Variants in FBXO42 observed in about 807,000 individuals in gnomAD.
FBXO42 encodes F-box only protein 42.
FBXO42 carries 12 observed loss-of-function variants against 71.7 expected under a neutral mutation model. That is an observed-to-expected ratio of 0.17 (90% CI 0.11 to 0.27). FBXO42 has a LOEUF of 0.27. FBXO42 is among the 10% of genes least tolerant of loss of function. The probability of loss-of-function intolerance (pLI) is 1.00; values close to 1 mark genes in which losing one functional copy is unlikely to be tolerated. For missense variants in FBXO42, 707 were observed against 911.9 expected, an observed-to-expected ratio of 0.78 and a Z score of 2.89; for synonymous variants, 325 against 327.5, an observed-to-expected ratio of 0.99 and a Z score of 0.08.
chr1:16,269,254 A>C (rs773411747), intron 4 of FBXO42, among the ~76,000 whole-genome samples: 25 of 144,628 alleles, frequency 1.7e-4, no homozygotes, highest in Non-Finnish European at 1.5e-4. Flanking sequence ...TACCCGCCTA[A>C]TTTTCTATAT....
At chr1:16,262,067 A>T (rs2100450641) in intron 4 of FBXO42, among the ~76,000 whole-genome samples, 1 of 152,296 alleles carries the variant, frequency 6.6e-6, no homozygotes, top group South Asian at 2.1e-4. Context: ...TGGCATATTT[A>T]TTGCAAATTG....
At chr1:16,339,112 C>T (rs1003294845) in intron 1 of FBXO42, among the ~76,000 whole-genome samples, 4 of 150,842 alleles carry the variant, frequency 2.7e-5, no homozygotes, top group Non-Finnish European at 4.4e-5. Context: ...GCCCAGCGGT[C>T]ATTTATCTTT....
At chr1:16,328,207 G>C (rs958889361) in intron 1 of FBXO42, among the ~76,000 whole-genome samples, 1 of 152,046 alleles carries the variant, frequency 6.6e-6, no homozygotes, top group Non-Finnish European at 1.5e-5. Flanking sequence ...AGGAGGCTGG[G>C]GGATCCTAGA....
At chr1:16,307,831 G>A (rs2082268248) in intron 2 of FBXO42, among the ~76,000 whole-genome samples, 1 of 152,152 alleles carries the variant, frequency 6.6e-6, no homozygotes, top group Admixed American at 6.6e-5. Flanking sequence ...AGGATAAGAA[G>A]ACTCAATATT....
intron 4 of FBXO42, among the ~76,000 whole-genome samples, chr1:16,282,537 TA>T (rs35509397): frequency 0.4 from 59,023 of 146,544 alleles, 12,995 homozygotes; most frequent in East Asian, 0.7. Flanking sequence ...TTTTCTCTTT[TA>T]AAAAAAAAAA....
chr1:16,337,585 A>G (rs1308598276), intron 1 of FBXO42, among the ~76,000 whole-genome samples: 2 of 152,078 alleles, frequency 1.3e-5, no homozygotes, highest in African/African-American at 4.8e-5. Flanking sequence ...ACCATCCTCA[A>G]AAGAATAATA....
At chr1:16,264,543 A>G (rs554256150) in intron 4 of FBXO42, among the ~76,000 whole-genome samples, 1 of 152,350 alleles carries the variant, frequency 6.6e-6, no homozygotes, top group East Asian at 1.9e-4. Context: ...AGTTCCCATC[A>G]AGCACGACAG....
chr1:16,302,118 A>G (rs968916183), intron 3 of FBXO42, among the ~76,000 whole-genome samples: 2 of 152,190 alleles, frequency 1.3e-5, no homozygotes, highest in Non-Finnish European at 2.9e-5. Flanking sequence ...TATGAATAGT[A>G]TATTAGGGAA....
rs1335631932 is a variant in FBXO42, at chr1:16,310,257, AG to A, written c.251-4339del. 2.7e-5 allele frequency among the ~76,000 whole-genome samples: 4 copies of A among 149,842 alleles called. No individual in the cohort carries two copies. The Admixed American group carries it at 2.7e-4, about 10-fold the overall frequency. On this transcript the variant is annotated intron_variant, in intron 2 of 9. Transcript: ENST00000375592. ...GCACCTGTAATCCCAGCTACTTGGG[AG>A]GTGGAAGCAGGAGAATTCCTTGAAC... is the stretch of plus-strand genomic sequence containing the variant.
chr1:16,349,678 T>A (rs1461912917), intron 1 of FBXO42, among the ~76,000 whole-genome samples: 1 of 152,126 alleles, frequency 6.6e-6, no homozygotes, highest in Non-Finnish European at 1.5e-5. Flanking sequence ...CTGGCCAACA[T>A]AGTGAAACCT....
chr1:16,267,093 C>A (rs1388581137), intron 4 of FBXO42, among the ~76,000 whole-genome samples: 1 of 152,114 alleles, frequency 6.6e-6, no homozygotes, highest in Non-Finnish European at 1.5e-5. Context: ...TCTGTCTTGA[C>A]CATAAACACC....
At chr1:16,314,088 G>C (rs1248257313) in intron 2 of FBXO42, among the ~76,000 whole-genome samples, 1 of 152,000 alleles carries the variant, frequency 6.6e-6, no homozygotes, top group Non-Finnish European at 1.5e-5. Context: ...CGAGTAGCTG[G>C]GATTAGGTGC....
At chr1:16,282,442 T>G (rs1473851398) in intron 4 of FBXO42, among the ~76,000 whole-genome samples, 1 of 150,662 alleles carries the variant, frequency 6.6e-6, no homozygotes, top group Non-Finnish European at 1.5e-5. Context: ...GCCAGGGTGG[T>G]CTCGAACTCC....
intron 1 of FBXO42, among the ~76,000 whole-genome samples, chr1:16,344,338 T>C (rs567234757): frequency 2.6e-3 from 396 of 150,638 alleles, no homozygotes; most frequent in Middle Eastern, 6.8e-3. Context: ...TTTTTTTTTT[T>C]TTGAGACAGA....
At chr1:16,289,024 T>C (rs1466490591) in intron 4 of FBXO42, among the ~76,000 whole-genome samples, 1 of 152,054 alleles carries the variant, frequency 6.6e-6, no homozygotes, top group Non-Finnish European at 1.5e-5. Flanking sequence ...TTGTCAATAT[T>C]GATGGCCTTC....
chr1:16,309,024 T>G (rs1440458279), intron 2 of FBXO42, among the ~76,000 whole-genome samples: 2 of 146,110 alleles, frequency 1.4e-5, no homozygotes, highest in Non-Finnish European at 3.0e-5. Context: ...ATTACAGGCG[T>G]GAGCCACCAT....
intron 2 of FBXO42, 61 bp downstream of exon 2, chr1:16,315,108 T>C (rs1203442629): frequency 6.5e-7 from 1 of 1,527,124 alleles, no homozygotes; most frequent in Non-Finnish European, 8.8e-7. Context: ...AAATTTGGAG[T>C]CTAAAAATAA....
chr1:16,311,503 A>AATAT (rs1553153697), intron 2 of FBXO42, among the ~76,000 whole-genome samples: 571 of 65,438 alleles, frequency 8.7e-3, no homozygotes, highest in Middle Eastern at 0.046. Context: ...AAAAAAAAAA[A>AATAT]ATATATATAT....
intron 4 of FBXO42, among the ~76,000 whole-genome samples, chr1:16,267,768 T>C (rs966387339): frequency 9.9e-5 from 15 of 152,260 alleles, no homozygotes; most frequent in African/African-American, 3.6e-4. Flanking sequence ...TATACATTAT[T>C]ATTACAACTA....
Sources: gnomAD v4.1 joint callset for allele counts (sites outside exome capture counted in the v4.1 genomes callset) on GRCh38, gnomAD v4.1.1 for gene constraint, MANE v1.5 for transcripts, NCBI Gene and HGNC (gene_info 2026-07-23, HGNC 2026-07-21) for gene names.